Variants in CSMD1 observed in about 807,000 individuals in gnomAD.
CSMD1 encodes the protein CUB and Sushi multiple domains 1.
CSMD1 carries 213 observed loss-of-function variants against 417.5 expected under a neutral mutation model. The ratio of observed to expected loss-of-function variants is 0.51; its 90% confidence interval spans 0.46 to 0.57. The LOEUF is 0.57. CSMD1 is among the 20% of genes least tolerant of loss of function. The pLI is 0.00. For missense variants in CSMD1, 6,923 were observed against 4,529.7 expected (o/e 1.53, Z -15.17); for synonymous variants, 2,862 against 1,736.8 (o/e 1.65, Z -16.11).
chr8:3,860,906 C>G (rs1006782203), intron 5 of CSMD1, among the ~76,000 whole-genome samples: 2 of 152,158 alleles, frequency 1.3e-5, no homozygotes, highest in African/African-American at 4.8e-5. Flanking sequence ...GAAATCTAGT[C>G]TCTATACTAT....
At chr8:4,325,149 C>T (rs1381501476) in intron 3 of CSMD1, among the ~76,000 whole-genome samples, 2 of 152,100 alleles carry the variant, frequency 1.3e-5, no homozygotes, top group Non-Finnish European at 2.9e-5. Context: ...GCTGACAAGA[C>T]ACAGGGGAAA....
chr8:4,811,157 G>T (rs957080580), intron 1 of CSMD1, among the ~76,000 whole-genome samples: 2 of 152,130 alleles, frequency 1.3e-5, no homozygotes, highest in Non-Finnish European at 1.5e-5. Context: ...GGCTGTAGTG[G>T]CATCAACCAT....
At chr8:3,555,329 T>C (rs1799097068) in intron 10 of CSMD1, among the ~76,000 whole-genome samples, 1 of 152,118 alleles carries the variant, frequency 6.6e-6, no homozygotes, top group Admixed American at 6.5e-5. Flanking sequence ...CATTCTGTTC[T>C]TGGGACACGT....
At chr8:4,782,737 A>G (rs895587536) in intron 1 of CSMD1, among the ~76,000 whole-genome samples, 1 of 152,180 alleles carries the variant, frequency 6.6e-6, no homozygotes, top group African/African-American at 2.4e-5. Context: ...AAATGAAAAT[A>G]CATGAATTTT....
rs754557818 is a variant in CSMD1, at chr8:3,474,620, G to T, written c.1449-5796C>A. Reference sequence around the variant, plus strand: ...TCTTGCTTTTTGTGAGCAGAAATATGCTTAGGAACTTAACTCTTGTTTATA... The same window carrying T: ...TCTTGCTTTTTGTGAGCAGAAATATTCTTAGGAACTTAACTCTTGTTTATA... On this transcript the variant is annotated intron_variant, in intron 11 of 69. Coordinates refer to ENST00000635120, the MANE Select transcript of CSMD1 (RefSeq NM_033225.6). 6.9e-4 allele frequency among the ~76,000 whole-genome samples: 105 copies of T among 152,270 alleles called. No homozygotes were observed. In the Middle Eastern group the frequency reaches 0.037, roughly 54 times the overall value.
At chr8:3,818,122 C>G (rs1801500963) in intron 5 of CSMD1, among the ~76,000 whole-genome samples, 1 of 152,068 alleles carries the variant, frequency 6.6e-6, no homozygotes, top group Admixed American at 6.6e-5. Context: ...GAGCCCAGGA[C>G]CCAAAGAGAG....
At chr8:4,238,123 C>T (rs1802176986) in intron 3 of CSMD1, among the ~76,000 whole-genome samples, 1 of 152,140 alleles carries the variant, frequency 6.6e-6, no homozygotes, top group African/African-American at 2.4e-5. Context: ...CATGTCTGCC[C>T]CTGGCCTAAA....
chr8:4,558,889 C>A (rs537779478), intron 2 of CSMD1, among the ~76,000 whole-genome samples: 52 of 149,568 alleles, frequency 3.5e-4, no homozygotes, highest in Non-Finnish European at 7.2e-4. Flanking sequence ...ATAAATAAAT[C>A]AAATCAAAAC....
intron 5 of CSMD1, among the ~76,000 whole-genome samples, chr8:3,861,721 T>A (rs979416204): frequency 6.6e-6 from 1 of 152,186 alleles, no homozygotes. Flanking sequence ...CGTTTTGTGT[T>A]TTGTCTGCTA....
intron 12 of CSMD1, among the ~76,000 whole-genome samples, chr8:3,445,242 C>T (rs956122852): frequency 6.6e-5 from 10 of 152,278 alleles, no homozygotes; most frequent in African/African-American, 1.4e-4. Flanking sequence ...GTCTGGGTTA[C>T]GTTCTCTGGG....
At chr8:3,179,183 G>A (rs760006879) in intron 37 of CSMD1, among the ~76,000 whole-genome samples, 11 of 151,866 alleles carry the variant, frequency 7.2e-5, no homozygotes, top group African/African-American at 7.3e-5. Context: ...CTGACCTCGT[G>A]ATCTGCCCGC....
chr8:4,326,685 C>G (rs888232155), intron 3 of CSMD1, among the ~76,000 whole-genome samples: 1 of 152,102 alleles, frequency 6.6e-6, no homozygotes, highest in Non-Finnish European at 1.5e-5. Context: ...AAGGTCTGGA[C>G]TCAAGAACAT....
chr8:3,076,390 A>AGGACACCAGCCACATTGGATT (rs375523321), intron 49 of CSMD1, among the ~76,000 whole-genome samples: 4 of 152,146 alleles, frequency 2.6e-5, no homozygotes, highest in South Asian at 2.1e-4. Flanking sequence ...CTCTGTAAAG[A>AGGACACCAGCCACATTGGATT]AAGACCCTGT....
intron 20 of CSMD1, among the ~76,000 whole-genome samples, chr8:3,360,845 C>T (rs1304737957): frequency 6.7e-6 from 1 of 149,572 alleles, no homozygotes; most frequent in Non-Finnish European, 1.5e-5. Flanking sequence ...TTCCTCAAAT[C>T]TGATCCTTCT....
chr8:4,242,826 G>A (rs965276989), intron 3 of CSMD1, among the ~76,000 whole-genome samples: 1 of 152,178 alleles, frequency 6.6e-6, no homozygotes, highest in African/African-American at 2.4e-5. Context: ...CCAACGACAT[G>A]TGACTATTAG....
At chr8:3,455,699 A>G (rs996560941) in intron 12 of CSMD1, among the ~76,000 whole-genome samples, 1 of 152,212 alleles carries the variant, frequency 6.6e-6, no homozygotes, top group Non-Finnish European at 1.5e-5. Flanking sequence ...GTACCTGGCC[A>G]TCTGAGGTGT....
At chr8:4,144,003 T>G (rs1347673692) in intron 3 of CSMD1, among the ~76,000 whole-genome samples, 1 of 151,226 alleles carries the variant, frequency 6.6e-6, no homozygotes, top group African/African-American at 2.5e-5. Context: ...TGAGACACGG[T>G]GGAAGGAGGA....
At chr8:4,776,920 C>CA (rs1311325373) in intron 1 of CSMD1, among the ~76,000 whole-genome samples, 61 of 152,140 alleles carry the variant, frequency 4.0e-4, no homozygotes, top group African/African-American at 1.4e-3. Flanking sequence ...CACAACGTTA[C>CA]TAAGATTAAA....
intron 1 of CSMD1, among the ~76,000 whole-genome samples, chr8:4,680,996 G>A (rs1432922903): frequency 6.6e-6 from 1 of 151,750 alleles, no homozygotes; most frequent in Admixed American, 6.6e-5. Context: ...GAGAGAGAGA[G>A]AGAGAGAATG....
Sources: allele counts gnomAD v4.1 joint callset (sites outside exome capture counted in the v4.1 genomes callset), GRCh38; gene constraint gnomAD v4.1.1; transcripts MANE v1.5; gene names NCBI Gene and HGNC (gene_info 2026-07-23, HGNC 2026-07-21).